RFX4: variants seen among roughly 807,000 people sequenced by gnomAD.
The protein encoded by RFX4 is transcription factor RFX4.
Under a neutral mutation model 95.0 loss-of-function variants are expected in RFX4, and 10 were observed. The ratio of observed to expected loss-of-function variants is 0.11; its 90% confidence interval spans 0.06 to 0.18. RFX4 has a LOEUF of 0.18. Ranked by LOEUF, RFX4 falls within the 10% of genes least tolerant of loss-of-function variation. The probability of loss-of-function intolerance (pLI) is 1.00; values close to 1 mark genes in which losing one functional copy is unlikely to be tolerated. For missense variants in RFX4, 640 were observed against 922.0 expected (o/e 0.69, Z 3.96); for synonymous variants, 321 against 340.7 (o/e 0.94, Z 0.64).
At chr12:106,636,745 G>T (rs1266366063) in intron 2 of RFX4, among the ~76,000 whole-genome samples, 1 of 152,186 alleles carries the variant, frequency 6.6e-6, no homozygotes, top group African/African-American at 2.4e-5. Context: ...CCCAATGAAA[G>T]GAGGTTTTAT....
intron 2 of RFX4, among the ~76,000 whole-genome samples, chr12:106,610,237 C>CAAAA (rs398044781): frequency 3.7e-3 from 278 of 76,150 alleles, no homozygotes; most frequent in East Asian, 7.3e-3. Flanking sequence ...GACTCCATCT[C>CAAAA]AAAAAAAAAA....
intron 4 of RFX4, among the ~76,000 whole-genome samples, chr12:106,679,624 T>C (rs1314599931): frequency 6.6e-6 from 1 of 152,206 alleles, no homozygotes; most frequent in African/African-American, 2.4e-5. Context: ...ATTATCTTCT[T>C]TGCTTGGGTG....
intron 10 of RFX4, among the ~76,000 whole-genome samples, chr12:106,714,484 T>C (rs764816508): frequency 2.0e-5 from 3 of 152,246 alleles, no homozygotes; most frequent in Non-Finnish European, 2.9e-5. Context: ...GGTTTGTCAG[T>C]ATTTACCTTT....
At chr12:106,635,473 C>T (rs2040492800) in intron 2 of RFX4, among the ~76,000 whole-genome samples, 1 of 151,916 alleles carries the variant, frequency 6.6e-6, no homozygotes, top group Admixed American at 6.6e-5. Flanking sequence ...CCACGATGCC[C>T]AGCTAATTTT....
Position 106,583,369 on chromosome 12 carries a change from T to C in RFX4, c.43+6T>C. The C allele has an allele frequency of 6.3e-7, 1 of 1,575,892 alleles. No individual in the cohort carries two copies. Among genetic ancestry groups the C allele is most frequent in the Non-Finnish European group, 8.6e-7 (1 of 1,165,660 alleles). On this transcript the variant is annotated splice_donor_region_variant and intron_variant, in intron 1 of 17. Transcript: ENST00000392842. ...ACCCGACATGGATTCCACAGGTTAG[T>C]CCTACTGGCGGGGTTGGGGGGATAC...
intron 2 of RFX4, among the ~76,000 whole-genome samples, chr12:106,620,418 C>T (rs984378042): frequency 1.3e-5 from 2 of 152,056 alleles, no homozygotes; most frequent in African/African-American, 4.8e-5. Context: ...CTCAAACCAG[C>T]AAGTTTTTTA....
intron 11 of RFX4, among the ~76,000 whole-genome samples, chr12:106,717,936 C>G (rs972654312): frequency 1.3e-5 from 2 of 152,236 alleles, no homozygotes; most frequent in African/African-American, 4.8e-5. Flanking sequence ...TCTTTCCTCA[C>G]AGCCAGCTGA....
chr12:106,753,093 C>T (rs1007841949), intron 17 of RFX4, among the ~76,000 whole-genome samples: 2 of 152,156 alleles, frequency 1.3e-5, no homozygotes, highest in Non-Finnish European at 2.9e-5. Flanking sequence ...ACCCAACTGA[C>T]CGTGACACTT....
rs1040536360 is a variant in RFX4, at chr12:106,684,619, C to A, written c.378-2265C>A. The A allele has an allele frequency of 4.0e-6, 5 of 1,246,294 alleles. No homozygotes were observed. In the South Asian group the frequency reaches 5.0e-5, roughly 12 times the overall value. 77.2% of individuals were successfully genotyped at this position (1,246,294 alleles called of 1,614,324 possible). On this transcript the variant is annotated intron_variant, in intron 5 of 17. Coordinates refer to ENST00000392842, the MANE Select transcript of RFX4 (RefSeq NM_213594.3). The stretch of plus-strand genomic sequence containing the variant: ...GCTCTTAAGAAGTTATAAAGGTGAA[C>A]TTTTTAAGGTTACGGTGGTGTGTCA...
chr12:106,717,942 G>A (rs1298341974), intron 11 of RFX4, among the ~76,000 whole-genome samples: 8 of 152,218 alleles, frequency 5.3e-5, no homozygotes, highest in Non-Finnish European at 1.2e-4. Context: ...CTCACAGCCA[G>A]CTGACAAATC....
chr12:106,738,542 G>T (rs938532767), intron 15 of RFX4, among the ~76,000 whole-genome samples: 1 of 152,208 alleles, frequency 6.6e-6, no homozygotes, highest in Non-Finnish European at 1.5e-5. Flanking sequence ...AGCCATAAAC[G>T]TAGCTTCTTA....
At chr12:106,739,147 GAAAGA>G (rs1368547985) in intron 15 of RFX4, among the ~76,000 whole-genome samples, 1 of 151,774 alleles carries the variant, frequency 6.6e-6, no homozygotes, top group African/African-American at 2.4e-5. Context: ...AAGAAAGAAA[GAAAGA>G]AAAGGTGAGG....
chr12:106,645,126 G>C (rs1435080839), intron 3 of RFX4, among the ~76,000 whole-genome samples: 1 of 152,120 alleles, frequency 6.6e-6, no homozygotes, highest in Admixed American at 6.5e-5. Context: ...ACGTGATCTG[G>C]AGGCAACTCC....
At chr12:106,719,917 T>C (rs758851933) in intron 11 of RFX4, 43 bp from the exon 12 acceptor site, 1 of 1,465,116 alleles carries the variant, frequency 6.8e-7, no homozygotes, top group East Asian at 2.3e-5. Flanking sequence ...TCTTGTTAAA[T>C]ACAACTGCAG....
chr12:106,750,918 G>A, intron 17 of RFX4, 125 bp downstream of exon 17: 1 of 644,802 alleles, frequency 1.6e-6, no homozygotes, highest in Non-Finnish European at 2.2e-6. Context: ...GGAGAGGACA[G>A]TCTTTATTTA....
chr12:106,691,019 G>T (rs190965947), intron 7 of RFX4, among the ~76,000 whole-genome samples: 2 of 152,180 alleles, frequency 1.3e-5, no homozygotes, highest in African/African-American at 4.8e-5. Context: ...TTGATAGGAT[G>T]GGGGGAAGGC....
chr12:106,745,425 A>C (rs1050199823), intron 15 of RFX4, among the ~76,000 whole-genome samples: 5 of 152,226 alleles, frequency 3.3e-5, no homozygotes, highest in Non-Finnish European at 7.3e-5. Context: ...AATTTATGAA[A>C]GGGCTCACCA....
chr12:106,596,617 T>G (rs1389326992), intron 1 of RFX4, among the ~76,000 whole-genome samples: 6 of 152,246 alleles, frequency 3.9e-5, no homozygotes, highest in Non-Finnish European at 5.9e-5. Context: ...GTCACATGCA[T>G]TGGTCTGTAC....
intron 11 of RFX4, among the ~76,000 whole-genome samples, chr12:106,715,884 G>A (rs2042280024): frequency 6.6e-6 from 1 of 152,218 alleles, no homozygotes. Flanking sequence ...CTCAGTGTAT[G>A]TCAGCCTGGG....
Sources: gnomAD v4.1 joint callset for allele counts (sites outside exome capture counted in the v4.1 genomes callset) on GRCh38, gnomAD v4.1.1 for gene constraint, MANE v1.5 for transcripts, NCBI Gene and HGNC (gene_info 2026-07-23, HGNC 2026-07-21) for gene names.